GRIP1: variants seen among roughly 807,000 people sequenced by gnomAD.
The protein encoded by GRIP1 is glutamate receptor-interacting protein 1.
GRIP1 carries 45 observed loss-of-function variants against 129.9 expected under a neutral mutation model. The ratio of observed to expected loss-of-function variants is 0.35; its 90% CI spans 0.27 to 0.44. GRIP1 has a LOEUF of 0.44. Among genes scored for constraint, GRIP1 ranks in the 20% least tolerant of loss-of-function variants. The pLI is 1.00. For synonymous variants in GRIP1, 530 were observed against 520.8 expected (o/e 1.02, Z -0.24); for missense variants, 1,196 against 1,396.8 (o/e 0.86, Z 2.29).
chr12:66,779,664 A>G (rs1356480072), intron 1 of GRIP1, among the ~76,000 whole-genome samples: 3 of 152,254 alleles, frequency 2.0e-5, no homozygotes, highest in Admixed American at 6.5e-5. Context: ...ACCTACTAAT[A>G]TTTATTGAAC....
chr12:66,352,559 AC>A (rs1182419317), intron 24 of GRIP1, among the ~76,000 whole-genome samples: 1 of 151,914 alleles, frequency 6.6e-6, no homozygotes. Context: ...CTGGTGAAAC[AC>A]GGTCTCTACT....
chr12:66,392,102 T>C (rs931623993), intron 19 of GRIP1, among the ~76,000 whole-genome samples: 2 of 152,180 alleles, frequency 1.3e-5, no homozygotes, highest in Non-Finnish European at 2.9e-5. Flanking sequence ...TGTTAGTGTT[T>C]GGTAAAGGTT....
At chr12:67,067,038 T>C (rs1464014655) in intron 1 of GRIP1, among the ~76,000 whole-genome samples, 2 of 151,502 alleles carry the variant, frequency 1.3e-5, no homozygotes, top group Admixed American at 6.6e-5. Context: ...CAAACAAAAA[T>C]ATATACTAAT....
intron 1 of GRIP1, among the ~76,000 whole-genome samples, chr12:67,061,093 C>T (rs1314512478): frequency 2.0e-5 from 3 of 152,170 alleles, no homozygotes; most frequent in Non-Finnish European, 2.9e-5. Flanking sequence ...TGTTGCATTA[C>T]TTGAGTTATT....
chr12:66,580,764 C>G (rs1422714163), intron 2 of GRIP1, among the ~76,000 whole-genome samples: 1 of 151,512 alleles, frequency 6.6e-6, no homozygotes, highest in Non-Finnish European at 1.5e-5. Flanking sequence ...AAAGCAAGTC[C>G]TTAGTGACCT....
At chr12:66,667,553 C>T (rs1033011706) in intron 1 of GRIP1, among the ~76,000 whole-genome samples, 1 of 152,120 alleles carries the variant, frequency 6.6e-6, no homozygotes, top group Non-Finnish European at 1.5e-5. Flanking sequence ...AGTTATAGCA[C>T]TATGTTTTCT....
At chr12:66,852,215 T>C (rs937786783) in intron 1 of GRIP1, among the ~76,000 whole-genome samples, 2 of 152,060 alleles carry the variant, frequency 1.3e-5, no homozygotes, top group African/African-American at 4.8e-5. Flanking sequence ...AATTATATTT[T>C]ACATTAACTG....
rs556172940 is a variant in GRIP1 at position 66,863,208 on chromosome 12, T to C, written c.58+205842A>G. Among the ~76,000 whole-genome samples the C allele has an allele frequency of 7.6e-4, 115 of 152,228 alleles. 1 individual carries two copies. Among genetic ancestry groups the C allele is most frequent in the African/African-American group, 2.5e-3 (105 of 41,556 alleles). On this transcript the variant is annotated intron_variant, in intron 1 of 1. Coordinates refer to the GRIP1 transcript ENST00000643019. The stretch of plus-strand genomic sequence containing the variant: ...CATTTTTGAGCCCCATTGGAATTCA[T>C]TGTTCCTGCCATTTATTCATTCATG...
At chr12:66,578,681 G>A (rs2063238562) in intron 2 of GRIP1, among the ~76,000 whole-genome samples, 1 of 152,214 alleles carries the variant, frequency 6.6e-6, no homozygotes, top group Non-Finnish European at 1.5e-5. Context: ...AGATCAAACT[G>A]CAAGGTGGCA....
At chr12:66,949,050 C>T (rs2137481502) in intron 1 of GRIP1, among the ~76,000 whole-genome samples, 1 of 152,190 alleles carries the variant, frequency 6.6e-6, no homozygotes, top group South Asian at 2.1e-4. Flanking sequence ...ACCTTACCTC[C>T]AATTAGCCAT....
chr12:66,351,057 T>A (rs2137062611), intron 24 of GRIP1, among the ~76,000 whole-genome samples: 1 of 152,322 alleles, frequency 6.6e-6, no homozygotes, highest in Admixed American at 6.5e-5. Context: ...TCAGCAAATA[T>A]TAGCATGTCT....
At chr12:66,930,932 G>A (rs2041384390) in intron 1 of GRIP1, among the ~76,000 whole-genome samples, 1 of 152,086 alleles carries the variant, frequency 6.6e-6, no homozygotes, top group South Asian at 2.1e-4. Context: ...TTGGCTCCAG[G>A]ATTCTAGTCT....
At position 66,953,957 on chromosome 12, in the gene GRIP1, G is replaced by A. The variant is rs185068451; in HGVS notation, c.58+115093C>T. On this transcript the variant is annotated intron_variant, in intron 1 of 1. Transcript: ENST00000643019. ...TTAGCAGATTTCAACAGTGCTTTCC[G>A]ACCCCCCAAAACTGTTAAAAAATAT... 1.1e-3 allele frequency among the ~76,000 whole-genome samples: 168 copies of A among 151,976 alleles called. No homozygotes were observed. The Middle Eastern group carries it at 0.014, about 12-fold the overall frequency.
intron 1 of GRIP1, among the ~76,000 whole-genome samples, chr12:67,044,056 A>C (rs74098179): frequency 3.7e-4 from 56 of 152,288 alleles, no homozygotes; most frequent in African/African-American, 1.3e-3. Flanking sequence ...TTTTAATCTT[A>C]AGATAGGTGC....
chr12:66,878,497 G>A (rs1466210639), intron 1 of GRIP1, among the ~76,000 whole-genome samples: 1 of 152,014 alleles, frequency 6.6e-6, no homozygotes, highest in Non-Finnish European at 1.5e-5. Context: ...TTGGAGTGAT[G>A]ATGTTAGGGT....
chr12:66,982,174 A>G (rs1254836320), intron 1 of GRIP1, among the ~76,000 whole-genome samples: 4 of 152,226 alleles, frequency 2.6e-5, no homozygotes, highest in Admixed American at 2.6e-4. Flanking sequence ...ACTGAAATCC[A>G]GTTATTTCTG....
At chr12:66,474,391 T>C (rs2059539016) in intron 7 of GRIP1, among the ~76,000 whole-genome samples, 1 of 152,136 alleles carries the variant, frequency 6.6e-6, no homozygotes, top group South Asian at 2.1e-4. Flanking sequence ...GGAACTGAGC[T>C]GGAAAACACT....
At chr12:66,634,034 CTT>C (rs2031111402) in intron 1 of GRIP1, among the ~76,000 whole-genome samples, 1 of 152,200 alleles carries the variant, frequency 6.6e-6, no homozygotes, top group South Asian at 2.1e-4. Context: ...AATGGTCTAT[CTT>C]TGCATTTTCT....
chr12:66,910,826 C>T (rs527354750), intron 1 of GRIP1, among the ~76,000 whole-genome samples: 24 of 152,220 alleles, frequency 1.6e-4, no homozygotes, highest in Non-Finnish European at 3.1e-4. Context: ...TCAGAGGGTA[C>T]GTCCCTAGGC....
Sources: gnomAD v4.1 joint callset for allele counts (sites outside exome capture counted in the v4.1 genomes callset) on GRCh38, gnomAD v4.1.1 for gene constraint, MANE v1.5 for transcripts, NCBI Gene and HGNC (gene_info 2026-07-23, HGNC 2026-07-21) for gene names.